The following SORCS3 variants were observed in gnomAD, a reference collection of about 807,000 sequenced individuals.
SORCS3 encodes VPS10 domain-containing receptor SorCS3.
In SORCS3, 57 loss-of-function variants were observed where a neutral mutation model predicts 146.3. The observed-to-expected ratio is 0.39, with a 90% CI of 0.31 to 0.49. SORCS3 has a LOEUF of 0.49. Ranked by LOEUF, SORCS3 falls within the 20% of genes least tolerant of loss-of-function variation. The pLI, the probability that SORCS3 is intolerant of heterozygous loss-of-function variation, is 0.92. For missense variants in SORCS3, 1,341 were observed against 1,575.5 expected, an observed-to-expected ratio of 0.85 and a Z score of 2.52; for synonymous variants, 653 against 618.5, an observed-to-expected ratio of 1.06 and a Z score of -0.83.
intron 1 of SORCS3, among the ~76,000 whole-genome samples, chr10:104,690,044 C>G (rs1208078627): frequency 6.6e-6 from 1 of 152,134 alleles, no homozygotes; most frequent in Non-Finnish European, 1.5e-5. Flanking sequence ...GGGTCATTTT[C>G]TGGAAGCATG....
intron 1 of SORCS3, among the ~76,000 whole-genome samples, chr10:104,805,195 A>G (rs2017667477): frequency 6.6e-6 from 1 of 152,228 alleles, no homozygotes; most frequent in African/African-American, 2.4e-5. Context: ...TAATACAATG[A>G]GAATGTTATT....
At chr10:105,247,382 A>G (rs772812307) in intron 22 of SORCS3, 51 bp downstream of exon 22, 1 of 1,022,918 alleles carries the variant, frequency 9.8e-7, no homozygotes, top group Non-Finnish European at 1.5e-6. Context: ...GAAAAGAACT[A>G]GATGGTGTGG....
chr10:104,903,863 A>T (rs1318732533), intron 2 of SORCS3, among the ~76,000 whole-genome samples: 1 of 152,230 alleles, frequency 6.6e-6, no homozygotes, highest in Non-Finnish European at 1.5e-5. Flanking sequence ...ATTAAACCAG[A>T]TATTAAAGAG....
At chr10:104,699,820 T>C (rs2016258787) in intron 1 of SORCS3, among the ~76,000 whole-genome samples, 1 of 152,164 alleles carries the variant, frequency 6.6e-6, no homozygotes, top group African/African-American at 2.4e-5. Flanking sequence ...AGCTAATAGA[T>C]TTTTTAAAAT....
At chr10:105,209,841 T>G (rs1356905036) in intron 16 of SORCS3, among the ~76,000 whole-genome samples, 1 of 152,096 alleles carries the variant, frequency 6.6e-6, no homozygotes, top group African/African-American at 2.4e-5. Flanking sequence ...CGGAAGATAT[T>G]GTGTACGATC....
intron 19 of SORCS3, among the ~76,000 whole-genome samples, chr10:105,220,445 C>T (rs1191722548): frequency 2.6e-5 from 4 of 152,130 alleles, no homozygotes; most frequent in African/African-American, 7.2e-5. Flanking sequence ...TGAGCCAAGG[C>T]CCCCAAGTGA....
chr10:104,653,994 A>G (rs1032993748), intron 1 of SORCS3, among the ~76,000 whole-genome samples: 18 of 151,238 alleles, frequency 1.2e-4, no homozygotes, highest in Non-Finnish European at 2.2e-4. Flanking sequence ...CTTCTACTCT[A>G]TGCGCATGGG....
chr10:104,867,028 G>A (rs1183201448), intron 2 of SORCS3, among the ~76,000 whole-genome samples: 3 of 152,130 alleles, frequency 2.0e-5, no homozygotes, highest in Non-Finnish European at 4.4e-5. Flanking sequence ...TAGACACCAC[G>A]TGAGGAACTA....
intron 7 of SORCS3, among the ~76,000 whole-genome samples, chr10:105,128,719 A>G (rs1564761906): frequency 6.6e-6 from 1 of 152,130 alleles, no homozygotes; most frequent in Non-Finnish European, 1.5e-5. Context: ...TGCCCCACGC[A>G]ATCATTAGGA....
chr10:105,192,726 C>T (rs373865677), intron 14 of SORCS3, among the ~76,000 whole-genome samples: 8 of 152,136 alleles, frequency 5.3e-5, no homozygotes, highest in South Asian at 2.1e-4. Context: ...TCTTCCTTTT[C>T]GACGTTTTTT....
At chr10:104,782,262 A>G (rs906936559) in intron 1 of SORCS3, among the ~76,000 whole-genome samples, 1 of 152,098 alleles carries the variant, frequency 6.6e-6, no homozygotes, top group Non-Finnish European at 1.5e-5. Context: ...CTTAGGATGT[A>G]TCTCCCGGTT....
intron 1 of SORCS3, among the ~76,000 whole-genome samples, chr10:104,650,255 G>A (rs1444624257): frequency 6.6e-6 from 1 of 152,166 alleles, no homozygotes; most frequent in Non-Finnish European, 1.5e-5. Context: ...GAACCTGAGA[G>A]CCCTACATAG....
chr10:105,091,096 GT>G (rs2055698895), intron 6 of SORCS3, among the ~76,000 whole-genome samples: 1 of 37,936 alleles, frequency 2.6e-5, no homozygotes, highest in African/African-American at 1.0e-4. Context: ...CCTCCCTCCT[GT>G]CCTCCCTCCC....
intron 22 of SORCS3, among the ~76,000 whole-genome samples, chr10:105,248,013 C>A (rs142061994): frequency 1.5e-4 from 23 of 152,268 alleles, no homozygotes; most frequent in African/African-American, 4.8e-4. Flanking sequence ...ACAAGACTAC[C>A]GTTGGCCACA....
At chr10:105,085,080 C>T (rs920496228) in intron 5 of SORCS3, among the ~76,000 whole-genome samples, 1 of 152,144 alleles carries the variant, frequency 6.6e-6, no homozygotes, top group African/African-American at 2.4e-5. Context: ...CCCCACCAGG[C>T]GATATTTAGC....
intron 1 of SORCS3, among the ~76,000 whole-genome samples, chr10:104,709,521 C>G (rs1458246196): frequency 6.6e-6 from 1 of 152,150 alleles, no homozygotes; most frequent in Non-Finnish European, 1.5e-5. Context: ...ACTAAAAGTA[C>G]ATTTCCTGTA....
intron 3 of SORCS3, among the ~76,000 whole-genome samples, chr10:104,935,494 T>C (rs1343945605): frequency 6.6e-6 from 1 of 152,216 alleles, no homozygotes; most frequent in Non-Finnish European, 1.5e-5. Context: ...AATTCTATTG[T>C]ACTTCCAGCA....
At chr10:104,740,329 C>T (rs1023669052) in intron 1 of SORCS3, among the ~76,000 whole-genome samples, 1 of 152,122 alleles carries the variant, frequency 6.6e-6, no homozygotes, top group Admixed American at 6.6e-5. Context: ...AAAATGAAGG[C>T]TTCTCAAAAG....
Position 105,217,062 on chromosome 10 carries a change from A to G in SORCS3, c.2674A>G (p.Thr892Ala), listed in dbSNP as rs1219623951. 1.2e-6 allele frequency: 2 copies of G among 1,614,054 alleles called. No individual in the cohort carries two copies. Among genetic ancestry groups the G allele is most frequent in the African/African-American group, 2.7e-5 (2 of 74,932 alleles). ...VYKSAGIFQV[T>A]AYAENNLGSD... ...TAAGAGTGCGGGGATCTTCCAGGTGACAGCCTATGCAGAGAACAACCTTGG... is the reference window on the plus strand; with the variant it reads ...TAAGAGTGCGGGGATCTTCCAGGTGGCAGCCTATGCAGAGAACAACCTTGG... Residue 892 changes from threonine to alanine, a missense_variant, in exon 19 of 27, where the codon ACA (threonine) becomes GCA (alanine). Physicochemically the swap from Thr to Ala is moderately conservative, Grantham distance 58. Transcript: ENST00000369701.
Sources: allele counts gnomAD v4.1 joint callset (sites outside exome capture counted in the v4.1 genomes callset), GRCh38; gene constraint gnomAD v4.1.1; transcripts MANE v1.5; gene names NCBI Gene and HGNC (gene_info 2026-07-23, HGNC 2026-07-21).